Variants in MYLK observed in about 807,000 individuals in gnomAD.
MYLK encodes the protein myosin light chain kinase, smooth muscle.
In MYLK, 106 loss-of-function variants were observed where a neutral mutation model predicts 203.4. The ratio of observed to expected loss-of-function variants is 0.52; its 90% CI spans 0.45 to 0.61. The LOEUF (loss-of-function observed/expected upper bound fraction) is 0.61. Among genes scored for constraint, MYLK ranks in the 20% least tolerant of loss-of-function variants. The pLI, the probability that MYLK is intolerant of heterozygous loss-of-function variation, is 0.00. For missense variants in MYLK, 2,072 were observed against 2,442.3 expected, an observed-to-expected ratio of 0.85 and a Z score of 3.20; for synonymous variants, 867 against 959.5, an observed-to-expected ratio of 0.90 and a Z score of 1.78.
At chr3:123,773,403 G>A (rs1450739987) in intron 4 of MYLK, among the ~76,000 whole-genome samples, 1 of 152,146 alleles carries the variant, frequency 6.6e-6, no homozygotes, top group East Asian at 1.9e-4. Flanking sequence ...TTACTTTCAT[G>A]AACAGTAAAA....
intron 4 of MYLK, among the ~76,000 whole-genome samples, chr3:123,782,825 T>C (rs1309093398): frequency 2.0e-5 from 3 of 152,210 alleles, no homozygotes; most frequent in African/African-American, 7.2e-5. Flanking sequence ...AAACCATCAC[T>C]GAGAAATTTT....
At chr3:123,724,143 T>TA (rs1257771498) in intron 12 of MYLK, among the ~76,000 whole-genome samples, 1 of 125,572 alleles carries the variant, frequency 8.0e-6, no homozygotes, top group Non-Finnish European at 1.6e-5. Context: ...GTTTTGCTTT[T>TA]TTTTTTTTTT....
chr3:123,821,839 C>A (rs2065948143), intron 3 of MYLK, among the ~76,000 whole-genome samples: 1 of 152,186 alleles, frequency 6.6e-6, no homozygotes, highest in African/African-American at 2.4e-5. Context: ...TCCAGTTTGT[C>A]CAACCCTGTA....
chr3:123,681,929 G>T, intron 20 of MYLK: 1 of 453,702 alleles, frequency 2.2e-6, no homozygotes, highest in Non-Finnish European at 4.1e-6. Flanking sequence ...TTGGTGGGAA[G>T]TGAAAGGGCA....
intron 5 of MYLK, among the ~76,000 whole-genome samples, chr3:123,747,576 C>T (rs1034048722): frequency 6.6e-6 from 1 of 152,136 alleles, no homozygotes; most frequent in South Asian, 2.1e-4. Context: ...CCTTGCTACT[C>T]CAAGAGTGGT....
chr3:123,770,347 C>T (rs1177617283), intron 4 of MYLK, among the ~76,000 whole-genome samples: 3 of 151,994 alleles, frequency 2.0e-5, no homozygotes, highest in Admixed American at 6.6e-5. Context: ...AACAAAGGTC[C>T]GAATCAAGAT....
chr3:123,725,754 C>A (rs1317453881), intron 12 of MYLK, among the ~76,000 whole-genome samples, 190 bp downstream of exon 12: 3 of 152,226 alleles, frequency 2.0e-5, no homozygotes, highest in Non-Finnish European at 4.4e-5. Flanking sequence ...AAGGCTCAGA[C>A]AGGAGTAGTA....
At chr3:123,659,120 C>G (rs570027044) in intron 23 of MYLK, among the ~76,000 whole-genome samples, 2 of 152,160 alleles carry the variant, frequency 1.3e-5, no homozygotes, top group East Asian at 3.8e-4. Context: ...GTTTATTACT[C>G]TAAACTCTCT....
chr3:123,696,503 A>G (rs2060932856), intron 18 of MYLK, among the ~76,000 whole-genome samples: 1 of 151,674 alleles, frequency 6.6e-6, no homozygotes, highest in Admixed American at 6.6e-5. Flanking sequence ...AGCCTCCTCC[A>G]ACCACCGGCT....
intron 4 of MYLK, among the ~76,000 whole-genome samples, chr3:123,777,163 A>G (rs939197522): frequency 6.6e-6 from 1 of 152,272 alleles, no homozygotes; most frequent in African/African-American, 2.4e-5. Flanking sequence ...CTATAGTACT[A>G]TGATGCCCAT....
At chr3:123,863,317 T>C (rs2032069664) in intron 2 of MYLK, among the ~76,000 whole-genome samples, 1 of 149,402 alleles carries the variant, frequency 6.7e-6, no homozygotes, top group Non-Finnish European at 1.5e-5. Context: ...ATCTTGGTAA[T>C]TTTGGGGGTG....
At chr3:123,620,546 A>G in intron 31 of MYLK, 5 of 1,412,234 alleles carry the variant, frequency 3.5e-6, no homozygotes, top group Non-Finnish European at 4.6e-6. Context: ...CAGAGAATGG[A>G]ATGGGGCCTG....
intron 11 of MYLK, among the ~76,000 whole-genome samples, chr3:123,731,119 G>A (rs140852011): frequency 1.4e-4 from 22 of 152,248 alleles, no homozygotes; most frequent in Non-Finnish European, 2.4e-4. Flanking sequence ...TGTCCCCTGC[G>A]CAGGGATAGA....
At chr3:123,647,152 G>T in intron 27 of MYLK, 72 bp downstream of exon 27, 1 of 1,400,310 alleles carries the variant, frequency 7.1e-7, no homozygotes, top group Non-Finnish European at 1.0e-6. Context: ...GAGGTGGCTG[G>T]GGTAGGGCAG....
chr3:123,840,348 A>T (rs912953823), intron 2 of MYLK, among the ~76,000 whole-genome samples: 2 of 138,070 alleles, frequency 1.4e-5, no homozygotes, highest in African/African-American at 5.5e-5. Flanking sequence ...AATAGAGAAC[A>T]TCACTACAAA....
At chr3:123,631,220 A>C (rs918795172) in intron 29 of MYLK, among the ~76,000 whole-genome samples, 20 of 152,120 alleles carry the variant, frequency 1.3e-4, no homozygotes, top group African/African-American at 4.8e-4. Flanking sequence ...CAACACGGTG[A>C]AGTCCTGTCT....
At chr3:123,775,099 C>G (rs1485673197) in intron 4 of MYLK, among the ~76,000 whole-genome samples, 1 of 152,052 alleles carries the variant, frequency 6.6e-6, no homozygotes, top group Non-Finnish European at 1.5e-5. Context: ...TCATAGCTCA[C>G]TGCAGCCTTG....
chr3:123,756,565 T>C (rs1262015098), intron 4 of MYLK, among the ~76,000 whole-genome samples: 2 of 152,232 alleles, frequency 1.3e-5, no homozygotes, highest in Non-Finnish European at 2.9e-5. Context: ...TGAAGTATTA[T>C]GGTTTTAAAT....
At chr3:123,858,141 T>A (rs931008061) in intron 2 of MYLK, among the ~76,000 whole-genome samples, 2 of 152,228 alleles carry the variant, frequency 1.3e-5, no homozygotes, top group African/African-American at 4.8e-5. Context: ...CTGCTTGTCA[T>A]GCTTATGTTT....
Sources: allele counts gnomAD v4.1 joint callset (sites outside exome capture counted in the v4.1 genomes callset), GRCh38; gene constraint gnomAD v4.1.1; transcripts MANE v1.5; gene names NCBI Gene and HGNC (gene_info 2026-07-23, HGNC 2026-07-21).